UBR4: variants seen among roughly 807,000 people sequenced by gnomAD.
UBR4 encodes E3 ubiquitin-protein ligase UBR4.
In UBR4, 124 loss-of-function variants were observed where a neutral mutation model predicts 575.6. That is an observed-to-expected ratio of 0.22 (90% CI 0.19 to 0.25). The LOEUF is 0.25. Ranked by LOEUF, UBR4 falls within the 10% of genes least tolerant of loss-of-function variation. UBR4 has a pLI of 1.00. For missense variants in UBR4, 4,818 were observed against 6,478.8 expected (o/e 0.74, Z 8.80); for synonymous variants, 2,455 against 2,473.7 (o/e 0.99, Z 0.22).
chr1:19,181,108 A>G (rs2090899107), intron 17 of UBR4, among the ~76,000 whole-genome samples: 1 of 152,204 alleles, frequency 6.6e-6, no homozygotes, highest in African/African-American at 2.4e-5. Context: ...GGCCGAGCAC[A>G]GTGGCTCACA....
intron 60 of UBR4, among the ~76,000 whole-genome samples, chr1:19,130,284 G>A (rs2082273867): frequency 6.6e-6 from 1 of 152,198 alleles, no homozygotes; most frequent in Non-Finnish European, 1.5e-5. Context: ...AGGGTTGGGT[G>A]TGGTAGCTCA....
chr1:19,127,817 T>G, intron 62 of UBR4, 78 bp from the exon 63 acceptor site: 1 of 1,166,970 alleles, frequency 8.6e-7, no homozygotes, highest in African/African-American at 1.5e-5. Flanking sequence ...TCCCTTCAAG[T>G]CAAGCCCATC....
At position 19,172,868 on chromosome 1, in the gene UBR4, T is replaced by C; in HGVS notation, c.3517A>G (p.Thr1173Ala). The change falls in exon 25 of 106, where the codon ACC becomes GCC. Residue 1173 changes from threonine to alanine, a missense_variant. Thr to Ala is a moderately conservative substitution (Grantham distance 58, BLOSUM62 0). Transcript: ENST00000375254. ...LQLIDTYASF[T>A]RAYLLQNFNE... ...TGGGCAGGCAGTTCGCCACACCTGG[T>C]GAACGATGCATAGGTGTCAATGAGT... is the stretch of plus-strand genomic sequence containing the variant. 1 of 1,614,098 alleles carries C rather than the reference T, an allele frequency of 6.2e-7. No individual in the cohort carries two copies. The highest frequency in any genetic ancestry group is 8.5e-7 in the Non-Finnish European group (1 of 1,179,948).
chr1:19,166,984 A>C, intron 29 of UBR4, 38 bp downstream of exon 29: 1 of 1,604,254 alleles, frequency 6.2e-7, no homozygotes, highest in East Asian at 2.2e-5. Flanking sequence ...TAGCAGCAGT[A>C]GGTCATAGGA....
chr1:19,166,839 G>A (rs12039326), intron 29 of UBR4, among the ~76,000 whole-genome samples, 183 bp downstream of exon 29: 4 of 150,454 alleles, frequency 2.7e-5, no homozygotes, highest in Non-Finnish European at 4.4e-5. Flanking sequence ...CCCGGAGGCA[G>A]AGGTTGCAGT....
At chr1:19,159,334 T>C (rs2086923365) in intron 39 of UBR4, among the ~76,000 whole-genome samples, 1 of 152,224 alleles carries the variant, frequency 6.6e-6, no homozygotes, top group African/African-American at 2.4e-5. Context: ...TAATGACTTA[T>C]ACCTTATAAC....
intron 97 of UBR4, among the ~76,000 whole-genome samples, chr1:19,091,916 T>C (rs970927182): frequency 9.9e-5 from 15 of 151,940 alleles, no homozygotes; most frequent in African/African-American, 3.4e-4. Flanking sequence ...ACAATCCAGG[T>C]GTCCTTTAAT....
rs772825518 is a variant in UBR4 at position 19,185,140 on chromosome 1, C to G, written c.1897G>C (p.Glu633Gln). ...CGACTCGCCAGAATGTTGCCCTTCTCACCAGGGGCCTGCTTACTGGGGCTT... is the reference window on the plus strand; with the variant it reads ...CGACTCGCCAGAATGTTGCCCTTCTGACCAGGGGCCTGCTTACTGGGGCTT... The part of the protein sequence containing the change: ...VKSPSKQAPG[E>Q]KGNILASRKD... The change falls in exon 15 of 106, where the codon GAG becomes CAG. Residue 633 changes from glutamate (E) to glutamine (Q), a missense_variant. Around this residue, in one of 29 missense-constraint regions of UBR4, gnomAD observed 1,172 missense variants for 1,259.7 expected, o/e 0.93. Coordinates refer to ENST00000375254, the MANE Select transcript of UBR4 (RefSeq NM_020765.3). 1.9e-6 allele frequency: 3 copies of G among 1,614,178 alleles called. No homozygotes were observed. In the South Asian group the frequency reaches 3.3e-5, roughly 18 times the overall value.
intron 55 of UBR4, among the ~76,000 whole-genome samples, chr1:19,143,163 AAAGG>A (rs780883880): frequency 2.4e-4 from 36 of 149,224 alleles, no homozygotes; most frequent in East Asian, 7.8e-4. Context: ...AAGGGAAAGG[AAAGG>A]AAGGAAGGAA....
intron 54 of UBR4, 42 bp downstream of exon 54, chr1:19,144,744 C>T (rs1390469773): frequency 6.3e-7 from 1 of 1,576,668 alleles, no homozygotes; most frequent in Non-Finnish European, 8.6e-7. Flanking sequence ...TCCAGATATT[C>T]CCTGGCTGCT....
chr1:19,114,996 G>A (rs1370969950), intron 74 of UBR4, 47 bp from the exon 75 acceptor site: 4 of 1,612,160 alleles, frequency 2.5e-6, no homozygotes. Context: ...AGGCTGGGTG[G>A]GGTGGGGGTC....
intron 4 of UBR4, 34 bp downstream of exon 4, chr1:19,198,765 G>A: frequency 6.2e-6 from 10 of 1,613,280 alleles, no homozygotes; most frequent in Non-Finnish European, 8.5e-6. Context: ...CATGGGGGTG[G>A]TCATGTGATC....
chr1:19,109,996 A>G, intron 81 of UBR4, 100 bp downstream of exon 81: 2 of 1,563,430 alleles, frequency 1.3e-6, no homozygotes, highest in Non-Finnish European at 8.7e-7. Context: ...AGGTGGGCTC[A>G]AGGCAAAGCG....
intron 8 of UBR4, 47 bp downstream of exon 8, chr1:19,197,094 A>C (rs765228598): frequency 4.4e-6 from 7 of 1,600,672 alleles, no homozygotes; most frequent in Non-Finnish European, 5.1e-6. Context: ...CTGAAAGTAT[A>C]TCTCTGCTTG....
Position 19,081,464 on chromosome 1 carries a change from C to T in UBR4, c.15118G>A (p.Val5040Ile), listed in dbSNP as rs2076496749. The part of the protein sequence containing the change: ...FEVDGPYYFT[V>I]LALHILPPEQ... ...GGGGGCAGGATGTGAAGGGCCAAGA[C>T]TGTGAAATAGTAGGGCCCGTCCACT... The change falls in exon 103 of 106, where the codon GTC becomes ATC. Residue 5040 changes from valine to isoleucine, a missense_variant. By Grantham distance (29) the Val-to-Ile change is conservative (BLOSUM62 3). This residue lies in a region of UBR4 where 212 missense variants were observed against 221.3 expected (regional missense o/e 0.96). Transcript: ENST00000375254. 3.7e-6 allele frequency: 6 copies of T among 1,614,044 alleles called. No individual in the cohort carries two copies. Among genetic ancestry groups the T allele is most frequent in the Non-Finnish European group, 3.4e-6 (4 of 1,180,028 alleles).
chr1:19,086,353 G>A, intron 100 of UBR4, 83 bp from the exon 101 acceptor site: 1 of 694,664 alleles, frequency 1.4e-6, no homozygotes, highest in South Asian at 1.8e-5. Flanking sequence ...CGGGGGTGGG[G>A]GTGGGGGCAT....
In UBR4 at chr1:19,110,420, G is replaced by C. The variant is rs2079710950; in HGVS notation, c.11937C>G (p.Ile3979Met). 6.2e-7 allele frequency: 1 copy of C among 1,614,084 alleles called. No homozygotes were observed. The highest frequency in any genetic ancestry group is 8.5e-7 in the Non-Finnish European group (1 of 1,180,052). ...GCTCCCAGCAGCTGTCCTCCTTGGAGATAGAATCCGTCAGCAGCAGCATTT... is the reference window on the plus strand; with the variant it reads ...GCTCCCAGCAGCTGTCCTCCTTGGACATAGAATCCGTCAGCAGCAGCATTT... ...QYEMLLLTDS[I>M]SKEDSCWELR... Residue 3979 changes from isoleucine (I) to methionine (M), a missense_variant, in exon 80 of 106, where the codon ATC becomes ATG. By Grantham distance (10) the Ile-to-Met change is conservative. Around this residue, in one of 29 missense-constraint regions of UBR4, gnomAD observed 333 missense variants for 459.2 expected, o/e 0.73. Transcript: ENST00000375254. The surrounding 1 kb of genome is among the most constrained non-coding windows in gnomAD (Gnocchi z 4.5).
intron 11 of UBR4, among the ~76,000 whole-genome samples, chr1:19,191,796 T>C (rs2092104361): frequency 6.6e-6 from 1 of 152,160 alleles, no homozygotes; most frequent in Admixed American, 6.5e-5. Context: ...ACAGCAAATA[T>C]TACAGGAAGC....
chr1:19,115,681 A>G (rs983592017), intron 73 of UBR4, 44 bp from the exon 74 acceptor site: 21 of 1,605,996 alleles, frequency 1.3e-5, no homozygotes, highest in Non-Finnish European at 1.8e-5. Context: ...TCTAACCCTC[A>G]GTGATAACAG....
Sources: allele counts gnomAD v4.1 joint callset (sites outside exome capture counted in the v4.1 genomes callset), GRCh38; gene constraint gnomAD v4.1.1; regional missense constraint gnomAD v4.1.1; non-coding constraint Gnocchi (gnomAD v3.1); transcripts MANE v1.5; gene names NCBI Gene and HGNC (gene_info 2026-07-23, HGNC 2026-07-21).